The following NOCT variants were observed in gnomAD, a reference collection of about 807,000 sequenced individuals.
The protein encoded by NOCT is CCR4 carbon catabolite repression 4-like.
A neutral mutation model predicts 35.0 loss-of-function variants in NOCT; 18 were observed. That is an observed-to-expected ratio of 0.51 (90% CI 0.36 to 0.76). The LOEUF (loss-of-function observed/expected upper bound fraction) is 0.76. Ranked by LOEUF, NOCT falls within the 30% of genes least tolerant of loss-of-function variation. The pLI is 0.01. For synonymous variants in NOCT, 235 were observed against 226.3 expected (o/e 1.04, Z -0.34); for missense variants, 479 against 541.0 (o/e 0.89, Z 1.14).
At chr4:139,034,021 A>G (rs1191405919) in intron 1 of NOCT, among the ~76,000 whole-genome samples, 2 of 152,188 alleles carry the variant, frequency 1.3e-5, no homozygotes, top group Non-Finnish European at 2.9e-5. Context: ...AATTGGCATA[A>G]TAAGCGTATC....
chr4:139,042,071 CTTTTT>C lies in NOCT; in HGVS notation c.191-987_191-983del, dbSNP rs368776726. On this transcript the variant is annotated intron_variant, in intron 1 of 2. Coordinates refer to ENST00000280614, the MANE Select transcript of NOCT (RefSeq NM_012118.4). ...CTTTTTACAAACTAGTCTTTAAGAT[CTTTTT>C]TTTTTTTTTTTTTTTGAGTCTCGCT... Among the ~76,000 whole-genome samples the C allele has an allele frequency of 9.5e-4, 103 of 108,744 alleles. 2 individuals carry two copies. The highest frequency in any genetic ancestry group is 3.7e-4 in the Non-Finnish European group (21 of 57,210). The allele number at this position is 108,744 out of a possible 152,430, so 71.3% of individuals were successfully genotyped here.
At chr4:139,044,523 C>CCAAGT (rs1258589963) in intron 2 of NOCT, 116 bp from the exon 3 acceptor site, 4 of 646,484 alleles carry the variant, frequency 6.2e-6, no homozygotes, top group Non-Finnish European at 1.1e-5. Flanking sequence ...GAGAGCCACT[C>CCAAGT]CAAGCATTTA....
intron 1 of NOCT, among the ~76,000 whole-genome samples, chr4:139,026,094 T>C (rs1446346692): frequency 6.6e-6 from 1 of 152,120 alleles, no homozygotes; most frequent in Non-Finnish European, 1.5e-5. Context: ...AAATGGACTA[T>C]ACAATTTTAT....
intron 1 of NOCT, among the ~76,000 whole-genome samples, chr4:139,039,090 ACTGAGATGG>A (rs1384350141): frequency 1.4e-5 from 2 of 142,338 alleles, no homozygotes; most frequent in African/African-American, 5.1e-5. Flanking sequence ...TAATCCCAGC[ACTGAGATGG>A]CTGAGATGGG....
chr4:139,036,416 AAATG>A (rs1397273931), intron 1 of NOCT, among the ~76,000 whole-genome samples: 2 of 152,198 alleles, frequency 1.3e-5, no homozygotes, highest in Non-Finnish European at 2.9e-5. Flanking sequence ...ATTTGACAAA[AAATG>A]AATGAACAGT....
In NOCT at chr4:139,044,639, C is replaced by T; in HGVS notation, c.461C>T (p.Ala154Val). ...RVMQWNILAQALGEGKDNFVQ... is the reference protein window; with the variant it reads ...RVMQWNILAQVLGEGKDNFVQ... ...CAACTGACTAGCTTTTTCTTTTCAG[C>T]TCTTGGAGAAGGCAAAGACAACTTT... is the stretch of plus-strand genomic sequence containing the variant. The change falls in exon 3 of 3, where the codon GCT becomes GTT. Residue 154 changes from alanine (A) to valine (V), a missense_variant and splice_region_variant. This residue lies in a region of NOCT where 265 missense variants were observed against 257.0 expected (regional missense o/e 1.03). Coordinates refer to ENST00000280614, the MANE Select transcript of NOCT (RefSeq NM_012118.4). 1 of 1,599,622 alleles carries T rather than the reference C, an allele frequency of 6.3e-7. No homozygotes were observed. The highest frequency in any genetic ancestry group is 8.6e-7 in the Non-Finnish European group (1 of 1,169,004).
chr4:139,042,440 C>T (rs768706586), intron 1 of NOCT, among the ~76,000 whole-genome samples: 1 of 152,004 alleles, frequency 6.6e-6, no homozygotes, highest in Non-Finnish European at 1.5e-5. Context: ...TTTTTTAAGA[C>T]TGGTTTTATA....
chr4:139,042,301 T>C (rs1308760837), intron 1 of NOCT, among the ~76,000 whole-genome samples: 3 of 152,036 alleles, frequency 2.0e-5, no homozygotes. Context: ...ACTCCTGACC[T>C]CAAGTGATCC....
intron 1 of NOCT, among the ~76,000 whole-genome samples, chr4:139,036,417 A>G (rs1726739864): frequency 2.0e-5 from 3 of 152,168 alleles, no homozygotes. Context: ...TTTGACAAAA[A>G]ATGAATGAAC....
intron 2 of NOCT, chr4:139,044,037 G>T (rs1726890464): frequency 6.7e-6 from 1 of 148,438 alleles, no homozygotes; most frequent in African/African-American, 2.5e-5. Context: ...CTTCTTTCCT[G>T]GGTCTGCCAA....
chr4:139,037,672 CT>C (rs1726759214), intron 1 of NOCT, among the ~76,000 whole-genome samples: 1 of 152,186 alleles, frequency 6.6e-6, no homozygotes, highest in African/African-American at 2.4e-5. Context: ...ACCCAGATGC[CT>C]TTTCCACCTG....
intron 1 of NOCT, among the ~76,000 whole-genome samples, chr4:139,030,924 C>G (rs1726611604): frequency 6.6e-6 from 1 of 152,132 alleles, no homozygotes; most frequent in Non-Finnish European, 1.5e-5. Context: ...GGAGGTTGAT[C>G]AGCTTCCATA....
chr4:139,031,149 GCTTT>G (rs768105489), intron 1 of NOCT, among the ~76,000 whole-genome samples: 1 of 151,316 alleles, frequency 6.6e-6, no homozygotes, highest in African/African-American at 2.4e-5. Flanking sequence ...CTGAGTGACT[GCTTT>G]CTTTTTTTTT....
At chr4:139,036,993 G>C (rs1192351609) in intron 1 of NOCT, among the ~76,000 whole-genome samples, 1 of 152,174 alleles carries the variant, frequency 6.6e-6, no homozygotes, top group African/African-American at 2.4e-5. Flanking sequence ...TGCCTTTCAG[G>C]ACCATCTGTA....
chr4:139,042,774 G>A (rs1274940378), intron 1 of NOCT, among the ~76,000 whole-genome samples: 2 of 152,120 alleles, frequency 1.3e-5, no homozygotes, highest in South Asian at 2.1e-4. Context: ...AATTAGCAGC[G>A]GGTAGAGGTG....
At chr4:139,032,881 T>C (rs1389669285) in intron 1 of NOCT, among the ~76,000 whole-genome samples, 1 of 152,192 alleles carries the variant, frequency 6.6e-6, no homozygotes, top group African/African-American at 2.4e-5. Flanking sequence ...TTTTTTTTAA[T>C]GATTGATACT....
intron 1 of NOCT, among the ~76,000 whole-genome samples, chr4:139,039,928 A>G (rs1459527931): frequency 6.6e-6 from 1 of 151,430 alleles, no homozygotes; most frequent in African/African-American, 2.4e-5. Context: ...GGGCTTTGCT[A>G]CGTAGGCCAG....
At chr4:139,042,956 T>TA (rs1463522235) in intron 1 of NOCT, 118 bp from the exon 2 acceptor site, 24 of 889,458 alleles carry the variant, frequency 2.7e-5, no homozygotes, top group Middle Eastern at 4.7e-4. Context: ...TTATACACTA[T>TA]TATGGCAACA....
intron 1 of NOCT, among the ~76,000 whole-genome samples, chr4:139,021,777 T>TA (rs1726419449): frequency 1.3e-5 from 2 of 151,412 alleles, no homozygotes; most frequent in South Asian, 4.2e-4. Context: ...TTTTTTTTTT[T>TA]TAGACAGTTT....
Sources: gnomAD v4.1 joint callset for allele counts (sites outside exome capture counted in the v4.1 genomes callset) on GRCh38, gnomAD v4.1.1 for gene constraint, gnomAD v4.1.1 regional missense constraint, MANE v1.5 for transcripts, NCBI Gene and HGNC (gene_info 2026-07-23, HGNC 2026-07-21) for gene names.